Variants in SEC24B observed in about 807,000 individuals in gnomAD.
SEC24B encodes the protein protein transport protein Sec24B.
In SEC24B, 45 loss-of-function variants were observed where a neutral mutation model predicts 142.8. The observed-to-expected ratio is 0.32, with a 90% CI of 0.25 to 0.40. SEC24B has a LOEUF of 0.40. Among genes scored for constraint, SEC24B ranks in the 10% least tolerant of loss-of-function variants. The pLI, the probability that SEC24B is intolerant of heterozygous loss-of-function variation, is 1.00. For synonymous variants in SEC24B, 574 were observed against 568.2 expected (o/e 1.01, Z -0.15); for missense variants, 1,409 against 1,526.8 (o/e 0.92, Z 1.29).
At chr4:109,467,952 G>A (rs1561095489) in intron 2 of SEC24B, among the ~76,000 whole-genome samples, 1 of 152,108 alleles carries the variant, frequency 6.6e-6, no homozygotes, top group Non-Finnish European at 1.5e-5. Flanking sequence ...CCGAGAAGCG[G>A]TATATAATTC....
chr4:109,530,148 G>A (rs1724736130), intron 18 of SEC24B, 141 bp from the exon 19 acceptor site: 1 of 585,424 alleles, frequency 1.7e-6, no homozygotes, highest in Non-Finnish European at 2.9e-6. Context: ...CATTTGAAAT[G>A]AGGGAGCTGA....
intron 1 of SEC24B, among the ~76,000 whole-genome samples, chr4:109,435,121 T>C (rs1475678667): frequency 2.0e-5 from 3 of 152,244 alleles, no homozygotes; most frequent in Non-Finnish European, 4.4e-5. Flanking sequence ...CTGGACTTTA[T>C]GAATTAGTTT....
At chr4:109,507,707 G>A (rs1384688699) in intron 7 of SEC24B, among the ~76,000 whole-genome samples, 1 of 151,170 alleles carries the variant, frequency 6.6e-6, no homozygotes, top group African/African-American at 2.4e-5. Context: ...GTGCAATAAC[G>A]CCATCTCGGC....
At chr4:109,455,000 G>T (rs764683785) in intron 1 of SEC24B, among the ~76,000 whole-genome samples, 40 of 152,302 alleles carry the variant, frequency 2.6e-4, no homozygotes, top group African/African-American at 7.2e-4. Flanking sequence ...CTTCTGCATG[G>T]CTGTCCGTAC....
At chr4:109,439,540 T>A (rs1163360208) in intron 1 of SEC24B, among the ~76,000 whole-genome samples, 1 of 124,962 alleles carries the variant, frequency 8.0e-6, no homozygotes, top group African/African-American at 3.0e-5. Flanking sequence ...TTCAGTCTTG[T>A]TGACCAGGCT....
chr4:109,479,283 A>G (rs538256174), intron 3 of SEC24B, among the ~76,000 whole-genome samples: 4 of 152,172 alleles, frequency 2.6e-5, no homozygotes, highest in East Asian at 1.9e-4. Context: ...ATAAATTATG[A>G]TATAACATTC....
chr4:109,477,261 A>G (rs1272481268), intron 3 of SEC24B, among the ~76,000 whole-genome samples: 2 of 151,852 alleles, frequency 1.3e-5, no homozygotes, highest in African/African-American at 2.4e-5. Context: ...GTTATTCAAA[A>G]TATTTTGAAT....
At chr4:109,480,784 T>C (rs1733660824) in intron 3 of SEC24B, among the ~76,000 whole-genome samples, 1 of 152,236 alleles carries the variant, frequency 6.6e-6, no homozygotes, top group Admixed American at 6.5e-5. Context: ...CGGCCTTCAT[T>C]TTCAATTAAG....
At chr4:109,527,274 C>A in intron 17 of SEC24B, 48 bp from the exon 18 acceptor site, 2 of 1,198,552 alleles carry the variant, frequency 1.7e-6, no homozygotes, top group African/African-American at 1.6e-5. Context: ...GTTTGCTTTG[C>A]TTTATTTCCT....
intron 7 of SEC24B, among the ~76,000 whole-genome samples, chr4:109,509,016 G>A (rs983488560): frequency 6.6e-6 from 1 of 152,156 alleles, no homozygotes; most frequent in African/African-American, 2.4e-5. Flanking sequence ...GTATTACAAT[G>A]AAGAAAAATA....
intron 3 of SEC24B, among the ~76,000 whole-genome samples, chr4:109,479,477 G>C (rs974439037): frequency 1.3e-5 from 2 of 152,166 alleles, no homozygotes; most frequent in African/African-American, 4.8e-5. Context: ...ACTTCAGGAA[G>C]CATTCACATA....
In SEC24B at chr4:109,433,854, C is replaced by T. The variant is rs1166318659; in HGVS notation, c.-16C>T. The T allele has an allele frequency of 2.4e-5, 31 of 1,304,020 alleles. No individual in the cohort carries two copies. Among genetic ancestry groups the T allele is most frequent in the African/African-American group, 3.1e-5 (2 of 64,490 alleles). The allele number at this position is 1,304,020 out of a possible 1,614,324, so 80.8% of individuals were successfully genotyped here. On this transcript the variant is annotated 5_prime_UTR_variant, in exon 1 of 24. Coordinates refer to ENST00000265175, the MANE Select transcript of SEC24B (RefSeq NM_006323.5). Reference sequence around the variant, plus strand: ...CACCTCCCTGAAGCGGAGCCGCCGTCGCCACCAGCGCCGTCATGTCGGCCC... The same window carrying T: ...CACCTCCCTGAAGCGGAGCCGCCGTTGCCACCAGCGCCGTCATGTCGGCCC...
chr4:109,487,908 A>G (rs1320616574), intron 4 of SEC24B, among the ~76,000 whole-genome samples: 2 of 152,332 alleles, frequency 1.3e-5, no homozygotes, highest in Non-Finnish European at 2.9e-5. Flanking sequence ...AAAATGAACA[A>G]TCTTTAAAAT....
Position 109,506,505 on chromosome 4 carries a change from A to G in SEC24B, c.1666A>G (p.Ser556Gly). 6.5e-7 allele frequency: 1 copy of G among 1,532,722 alleles called. No individual in the cohort carries two copies. The allele number at this position is 1,532,722 out of a possible 1,614,324, so 94.9% of individuals were successfully genotyped here. A position where few individuals can be genotyped will look rare whatever the true frequency, so the allele number is the denominator to read the frequency against. Residue 556 changes from serine to glycine, a missense_variant, in exon 7 of 24, where the codon AGC (serine) becomes GGC (glycine). By Grantham distance (56) the Ser-to-Gly change is moderately conservative (BLOSUM62 0). Transcript: ENST00000265175. ...LNADLKKLNC[S>G]PDSFRCTLTN... ...TGCAGACCTCAAAAAATTAAACTGT[A>G]GCCCAGAGTAGGTATTTATTTATTT... is the stretch of plus-strand genomic sequence containing the variant.
intron 4 of SEC24B, among the ~76,000 whole-genome samples, chr4:109,490,371 T>G (rs1734896553): frequency 6.6e-6 from 1 of 152,052 alleles, no homozygotes; most frequent in African/African-American, 2.4e-5. Context: ...ACCTGTTCCT[T>G]CCCTATTACA....
At chr4:109,519,619 T>G (rs1445755853) in intron 11 of SEC24B, among the ~76,000 whole-genome samples, 2 of 152,194 alleles carry the variant, frequency 1.3e-5, no homozygotes, top group Non-Finnish European at 2.9e-5. Context: ...GAGTGAAGAT[T>G]AGTCTGTGGA....
chr4:109,451,269 G>A (rs1035415887), intron 1 of SEC24B, among the ~76,000 whole-genome samples: 2 of 152,114 alleles, frequency 1.3e-5, no homozygotes, highest in African/African-American at 2.4e-5. Context: ...CTAGGCTGGA[G>A]TGCAGTGGTA....
chr4:109,462,614 G>C (rs566776124), intron 1 of SEC24B, among the ~76,000 whole-genome samples: 6 of 152,236 alleles, frequency 3.9e-5, no homozygotes, highest in African/African-American at 1.4e-4. Flanking sequence ...TCAAGACTGG[G>C]CTAACATGGA....
At chr4:109,520,810 T>C (rs1194101973) in intron 12 of SEC24B, among the ~76,000 whole-genome samples, 2 of 152,092 alleles carry the variant, frequency 1.3e-5, no homozygotes, top group African/African-American at 4.8e-5. Flanking sequence ...CTAACTAACA[T>C]GGAGAAACCC....
Sources: gnomAD v4.1 joint callset for allele counts (sites outside exome capture counted in the v4.1 genomes callset) on GRCh38, gnomAD v4.1.1 for gene constraint, MANE v1.5 for transcripts, NCBI Gene and HGNC (gene_info 2026-07-23, HGNC 2026-07-21) for gene names.